The following TMEM158 variants were observed in gnomAD, a reference collection of about 807,000 sequenced individuals.
TMEM158 encodes the protein transmembrane protein 158, also known as 40 kDa BINP-binding protein.
In TMEM158, 7 loss-of-function variants were observed where a neutral mutation model predicts 12.0. The ratio of observed to expected loss-of-function variants is 0.59; its 90% CI spans 0.33 to 1.10. The LOEUF (loss-of-function observed/expected upper bound fraction) is 1.10. Ranked by LOEUF, TMEM158 falls within the 50% of genes least tolerant of loss-of-function variation. The probability of loss-of-function intolerance (pLI) is 0.03; values close to 1 mark genes in which losing one functional copy is unlikely to be tolerated. For missense variants in TMEM158, 405 were observed against 454.7 expected (o/e 0.89, Z 0.99); for synonymous variants, 209 against 231.1 (o/e 0.90, Z 0.87).
Position 45,225,662 on chromosome 3 carries a change from C to A in TMEM158, c.366G>T (p.Pro122=), listed in dbSNP as rs1700150895. The A allele has an allele frequency of 5.5e-6, 8 of 1,447,096 alleles. No homozygotes were observed. Among genetic ancestry groups the A allele is most frequent in the Non-Finnish European group, 7.3e-6 (8 of 1,097,014 alleles). The allele number at this position is 1,447,096 out of a possible 1,614,324, so 89.6% of individuals were successfully genotyped here. A position where few individuals can be genotyped will look rare whatever the true frequency, so the allele number is the denominator to read the frequency against. The change falls in exon 1 of 1, where the codon CCG becomes CCT. Residue 122 remains proline, a synonymous_variant. Transcript: ENST00000503771. This position sits in a 1 kb window ranked among gnomAD's most constrained non-coding sequence, Gnocchi z 5.7. Reference sequence around the variant, plus strand: ...GCCCCAGGTGCTCGATGAGCAGCGGCGGCCCGACGCGGTGGAAGGCGGCGG... The same window carrying A: ...GCCCCAGGTGCTCGATGAGCAGCGGAGGCCCGACGCGGTGGAAGGCGGCGG... The part of the protein sequence containing the change: ...FFAAAFHRVG[P]PLLIEHLGLA...
chr3:45,225,847 G>C lies in TMEM158; in HGVS notation c.181C>G (p.Arg61Gly). 8.0e-7 allele frequency: 1 copy of C among 1,243,360 alleles called. No individual in the cohort carries two copies. The highest frequency in any genetic ancestry group is 2.9e-5 in the South Asian group (1 of 34,246). The allele number at this position is 1,243,360 out of a possible 1,614,324, so 77.0% of individuals were successfully genotyped here. ...GCCGCCGCCTCCTCCGGGCCCGGGCGCTCGGGGGGCCCGGGGGCCGCCGAG... is the reference window on the plus strand; with the variant it reads ...GCCGCCGCCTCCTCCGGGCCCGGGCCCTCGGGGGGCCCGGGGGCCGCCGAG... ...LASAAPGPPE[R>G]PGPEEAAAAA... The change falls in exon 1 of 1, where the codon CGC becomes GGC. Residue 61 changes from arginine (R) to glycine (G), a missense_variant. Arg to Gly is a moderately radical substitution (Grantham distance 125). Transcript: ENST00000503771. The surrounding 1 kb of genome is among the most constrained non-coding windows in gnomAD (Gnocchi z 5.7).
chr3:45,225,176 G>A lies in TMEM158; in HGVS notation c.852C>T (p.Ala284=), dbSNP rs1700144218. The A allele has an allele frequency of 7.9e-7, 1 of 1,265,876 alleles. No homozygotes were observed. The highest frequency in any genetic ancestry group is 9.9e-7 in the Non-Finnish European group (1 of 1,010,066). The allele number at this position is 1,265,876 out of a possible 1,614,324, so 78.4% of individuals were successfully genotyped here. Residue 284 remains alanine (A), a synonymous_variant, in exon 1 of 1, where the codon GCC becomes GCT. Coordinates refer to ENST00000503771, the MANE Select transcript of TMEM158 (RefSeq NM_015444.3). The surrounding 1 kb of genome is among the most constrained non-coding windows in gnomAD (Gnocchi z 5.7). ...PAGTTAAAAA[A]AAAAAAAAVT... is the part of the protein sequence containing the mutation. ...CGGCCGCGGCGGCGGCGGCAGCGGCGGCGGCGGCGGCGGCTGCGGTGGTCC... is the reference window on the plus strand; with the variant it reads ...CGGCCGCGGCGGCGGCGGCAGCGGCAGCGGCGGCGGCGGCTGCGGTGGTCC...
At position 45,226,165 on chromosome 3, in the gene TMEM158, C is replaced by G; in HGVS notation, c.-138G>C. On this transcript the variant is annotated 5_prime_UTR_variant, in exon 1 of 1. Coordinates refer to ENST00000503771, the MANE Select transcript of TMEM158 (RefSeq NM_015444.3). ...GGGCGCGCCGGGCGCCTGCCAAGCC[C>G]GCAGGGGCGGCGCGGAGGCGGTGAC... 1.0e-6 allele frequency: 1 copy of G among 970,322 alleles called. No individual in the cohort carries two copies. The highest frequency in any genetic ancestry group is 1.2e-6 in the Non-Finnish European group (1 of 818,414). The allele number at this position is 970,322 out of a possible 1,614,324, so 60.1% of individuals were successfully genotyped here.
In TMEM158 at chr3:45,225,836, C is replaced by T. The variant is rs2125632794; in HGVS notation, c.192G>A (p.Pro64=). The change falls in exon 1 of 1, where the codon CCG becomes CCA. Residue 64 remains proline (P), a synonymous_variant. Transcript: ENST00000503771. This position sits in a 1 kb window ranked among gnomAD's most constrained non-coding sequence, Gnocchi z 5.7. The stretch of plus-strand genomic sequence containing the variant: ...GCGCCGCCGCCGCCGCCGCCTCCTC[C>T]GGGCCCGGGCGCTCGGGGGGCCCGG... ...AAPGPPERPG[P]EEAAAAAAPC... The T allele has an allele frequency of 1.6e-6, 2 of 1,251,318 alleles. No homozygotes were observed. The highest frequency in any genetic ancestry group is 2.0e-6 in the Non-Finnish European group (2 of 1,000,828). 77.5% of individuals were successfully genotyped at this position (1,251,318 alleles called of 1,614,324 possible). A position where few individuals can be genotyped will look rare whatever the true frequency, so the allele number is the denominator to read the frequency against.
chr3:45,224,963 G>A lies in TMEM158; in HGVS notation c.*162C>T. On this transcript the variant is annotated 3_prime_UTR_variant, in exon 1 of 1. Transcript: ENST00000503771. ...TCTGCTTTTCGGAACTGGAAGCGCA[G>A]CACAAACCTTGCTTTTCAAAGGCGC... 8.8e-7 allele frequency: 1 copy of A among 1,134,920 alleles called. No individual in the cohort carries two copies. The highest frequency in any genetic ancestry group is 1.1e-6 in the Non-Finnish European group (1 of 911,670). 70.3% of individuals were successfully genotyped at this position (1,134,920 alleles called of 1,614,324 possible).
In TMEM158 at chr3:45,225,848, C is replaced by G; in HGVS notation, c.180G>C (p.Glu60Asp). 1 of 1,242,076 alleles carries G rather than the reference C, an allele frequency of 8.1e-7. No individual in the cohort carries two copies. Among genetic ancestry groups the G allele is most frequent in the Non-Finnish European group, 1.0e-6 (1 of 996,066 alleles). The allele number at this position is 1,242,076 out of a possible 1,614,324, so 76.9% of individuals were successfully genotyped here. ...LLASAAPGPP[E>D]RPGPEEAAAA... The stretch of plus-strand genomic sequence containing the variant: ...CCGCCGCCTCCTCCGGGCCCGGGCG[C>G]TCGGGGGGCCCGGGGGCCGCCGAGG... The change falls in exon 1 of 1, where the codon GAG becomes GAC. Residue 60 changes from glutamate (E) to aspartate (D), a missense_variant. Transcript: ENST00000503771. This position sits in a 1 kb window ranked among gnomAD's most constrained non-coding sequence, Gnocchi z 5.7.
rs1255860752 is a variant in TMEM158, at chr3:45,225,030, G to C, written c.*95C>G. On this transcript the variant is annotated 3_prime_UTR_variant, in exon 1 of 1. Coordinates refer to ENST00000503771, the MANE Select transcript of TMEM158 (RefSeq NM_015444.3). The surrounding 1 kb of genome is among the most constrained non-coding windows in gnomAD (Gnocchi z 5.7). ...CCCCATCTCGGGAAGAGGAACTAACGATAACTACAGCACGAAGCACACCGG... is the reference window on the plus strand; with the variant it reads ...CCCCATCTCGGGAAGAGGAACTAACCATAACTACAGCACGAAGCACACCGG... 1 of 1,198,534 alleles carries C rather than the reference G, an allele frequency of 8.3e-7. No individual in the cohort carries two copies. Among genetic ancestry groups the C allele is most frequent in the African/African-American group, 1.6e-5 (1 of 62,916 alleles). The allele number at this position is 1,198,534 out of a possible 1,614,324, so 74.2% of individuals were successfully genotyped here. A position where few individuals can be genotyped will look rare whatever the true frequency, so the allele number is the denominator to read the frequency against.
Position 45,225,567 on chromosome 3 carries a change from G to C in TMEM158, c.461C>G (p.Thr154Ser), listed in dbSNP as rs1700149713. 5 of 1,101,312 alleles carry C rather than the reference G, an allele frequency of 4.5e-6. No homozygotes were observed. The highest frequency in any genetic ancestry group is 4.4e-6 in the Non-Finnish European group (4 of 907,050). 68.2% of individuals were successfully genotyped at this position (1,101,312 alleles called of 1,614,324 possible). The change falls in exon 1 of 1, where the codon ACC (threonine) becomes AGC (serine). Residue 154 changes from threonine (T) to serine (S), a missense_variant. Transcript: ENST00000503771. This position sits in a 1 kb window ranked among gnomAD's most constrained non-coding sequence, Gnocchi z 5.7. ...VGCGWVRGRR[T>S]GRLRPAAAPS... ...GGCGGCGGCGGGCCGGAGGCGGCCG[G>C]TGCGGCGACCGCGCACCCAGCCGCA...
At position 45,225,120 on chromosome 3, in the gene TMEM158, G is replaced by A. The variant is rs1700142945; in HGVS notation, c.*5C>T. ...CAGGACGGACACAGGGAGGAGCGGA[G>A]CGGGTCACTTGGTCGCCACCCCCGA... On this transcript the variant is annotated 3_prime_UTR_variant, in exon 1 of 1. Transcript: ENST00000503771. The surrounding 1 kb of genome is among the most constrained non-coding windows in gnomAD (Gnocchi z 5.7). 1.6e-6 allele frequency: 2 copies of A among 1,253,904 alleles called. No individual in the cohort carries two copies. Among genetic ancestry groups the A allele is most frequent in the Admixed American group, 4.3e-5 (1 of 23,510 alleles). The allele number at this position is 1,253,904 out of a possible 1,614,324, so 77.7% of individuals were successfully genotyped here.
chr3:45,225,340 T>C lies in TMEM158; in HGVS notation c.688A>G (p.Thr230Ala). ...ACGCTCCACACCACGATGACCAGGG[T>C]CATGAAGCAGGCCACCAGCGTGGAC... ...IESTLVACFM[T>A]LVIVVWSVAA... The change falls in exon 1 of 1, where the codon ACC becomes GCC. Residue 230 changes from threonine (T) to alanine (A), a missense_variant. Physicochemically the swap from Thr to Ala is moderately conservative, Grantham distance 58 (BLOSUM62 0). Coordinates refer to ENST00000503771, the MANE Select transcript of TMEM158 (RefSeq NM_015444.3). This position sits in a 1 kb window ranked among gnomAD's most constrained non-coding sequence, Gnocchi z 5.7. 6.6e-7 allele frequency: 1 copy of C among 1,525,202 alleles called. No homozygotes were observed. The allele number at this position is 1,525,202 out of a possible 1,614,324, so 94.5% of individuals were successfully genotyped here. A position where few individuals can be genotyped will look rare whatever the true frequency, so the allele number is the denominator to read the frequency against.
Position 45,224,688 on chromosome 3 carries a change from C to T in TMEM158, c.*437G>A, listed in dbSNP as rs1366921381. On this transcript the variant is annotated 3_prime_UTR_variant, in exon 1 of 1. Transcript: ENST00000503771. ...TACAACTATGTTCAGATACAAAGAG[C>T]TTCTCTTACTACAGCAATAGCAATT... 1 of 156,050 alleles carries T rather than the reference C, an allele frequency of 6.4e-6. No homozygotes were observed. Among genetic ancestry groups the T allele is most frequent in the Non-Finnish European group, 1.4e-5 (1 of 70,504 alleles). 9.7% of individuals were successfully genotyped at this position (156,050 alleles called of 1,614,324 possible). A position where few individuals can be genotyped will look rare whatever the true frequency, so the allele number is the denominator to read the frequency against.
In TMEM158 at chr3:45,225,802, T is replaced by A; in HGVS notation, c.226A>T (p.Ile76Phe). Residue 76 changes from isoleucine to phenylalanine, a missense_variant, in exon 1 of 1, where the codon ATC becomes TTC. Ile to Phe is a conservative substitution (Grantham distance 21). Coordinates refer to ENST00000503771, the MANE Select transcript of TMEM158 (RefSeq NM_015444.3). The surrounding 1 kb of genome is among the most constrained non-coding windows in gnomAD (Gnocchi z 5.7). ...CTCAGCATCTGCCGCTGCACGCTGA[T>A]GTTGCACGGCGCCGCCGCCGCCGCC... ...EAAAAAAPCNISVQRQMLSSL... is the reference protein window; with the variant it reads ...EAAAAAAPCNFSVQRQMLSSL... 1 of 1,381,250 alleles carries A rather than the reference T, an allele frequency of 7.2e-7. No individual in the cohort carries two copies. The highest frequency in any genetic ancestry group is 1.5e-5 in the South Asian group (1 of 66,708). The allele number at this position is 1,381,250 out of a possible 1,614,324, so 85.6% of individuals were successfully genotyped here. A position where few individuals can be genotyped will look rare whatever the true frequency, so the allele number is the denominator to read the frequency against.
Position 45,225,987 on chromosome 3 carries a change from G to C in TMEM158, c.41C>G (p.Pro14Arg). 9.2e-7 allele frequency: 1 copy of C among 1,081,288 alleles called. No homozygotes were observed. The highest frequency in any genetic ancestry group is 6.0e-5 in the East Asian group (1 of 16,798). The allele number at this position is 1,081,288 out of a possible 1,614,324, so 67.0% of individuals were successfully genotyped here. Residue 14 changes from proline (P) to arginine (R), a missense_variant, in exon 1 of 1, where the codon CCG becomes CGG. Coordinates refer to ENST00000503771, the MANE Select transcript of TMEM158 (RefSeq NM_015444.3). This position sits in a 1 kb window ranked among gnomAD's most constrained non-coding sequence, Gnocchi z 5.7. ...GGCCCCGCCGCGGACGGGCGGCAGC[G>C]GGCAGGCGGCGGCCAGGAGCGCGGC... ...LLAALLAAAC[P>R]LPPVRGGAAD...
In TMEM158 at chr3:45,225,750, G is replaced by T; in HGVS notation, c.278C>A (p.Pro93Gln). ...CAGTAGGTCGCACTGGAAGCCCCGCGGGCGGCCCCAGCGCACGAGCAGCGA... is the reference window on the plus strand; with the variant it reads ...CAGTAGGTCGCACTGGAAGCCCCGCTGGCGGCCCCAGCGCACGAGCAGCGA... ...LSSLLVRWGR[P>Q]RGFQCDLLLF... Residue 93 changes from proline (P) to glutamine (Q), a missense_variant, in exon 1 of 1, where the codon CCG becomes CAG. Pro to Gln is a moderately conservative substitution (Grantham distance 76). Coordinates refer to ENST00000503771, the MANE Select transcript of TMEM158 (RefSeq NM_015444.3). This position sits in a 1 kb window ranked among gnomAD's most constrained non-coding sequence, Gnocchi z 5.7. 6.9e-7 allele frequency: 1 copy of T among 1,442,558 alleles called. No homozygotes were observed. Among genetic ancestry groups the T allele is most frequent in the Non-Finnish European group, 9.1e-7 (1 of 1,093,290 alleles). 89.4% of individuals were successfully genotyped at this position (1,442,558 alleles called of 1,614,324 possible).
In TMEM158 at chr3:45,225,281, G is replaced by A; in HGVS notation, c.747C>T (p.Ala249=). Residue 249 remains alanine, a synonymous_variant, in exon 1 of 1, where the codon GCC becomes GCT. Coordinates refer to ENST00000503771, the MANE Select transcript of TMEM158 (RefSeq NM_015444.3). The surrounding 1 kb of genome is among the most constrained non-coding windows in gnomAD (Gnocchi z 5.7). Reference sequence around the variant, plus strand: ...GTTCCATGCCGTTGGGCAGGAAGCCGGCGATGATGGGCACCGGCCAGATGA... The same window carrying A: ...GTTCCATGCCGTTGGGCAGGAAGCCAGCGATGATGGGCACCGGCCAGATGA... ...AALIWPVPII[A]GFLPNGMEQR... The A allele has an allele frequency of 1.4e-6, 2 of 1,443,324 alleles. No individual in the cohort carries two copies. Among genetic ancestry groups the A allele is most frequent in the Non-Finnish European group, 1.8e-6 (2 of 1,086,302 alleles). 89.4% of individuals were successfully genotyped at this position (1,443,324 alleles called of 1,614,324 possible). A position where few individuals can be genotyped will look rare whatever the true frequency, so the allele number is the denominator to read the frequency against.
Position 45,225,648 on chromosome 3 carries a change from TC to T in TMEM158, c.379del (p.Glu127SerfsTer74). On this transcript the variant is annotated frameshift_variant, in exon 1 of 1. Transcript: ENST00000503771. LOFTEE classifies it high-confidence loss of function. This position sits in a 1 kb window ranked among gnomAD's most constrained non-coding sequence, Gnocchi z 5.7. ...GCCGCCCGCCGCCAGCCCCAGGTGC[TC>T]GATGAGCAGCGGCGGCCCGACGCGG... ...FHRVGPPLLI[E>X]HLGLAAGGAQ... is the part of the protein sequence containing the mutation. 7.0e-7 allele frequency: 1 copy of T among 1,434,242 alleles called. No individual in the cohort carries two copies. The highest frequency in any genetic ancestry group is 9.2e-7 in the Non-Finnish European group (1 of 1,090,236). 88.8% of individuals were successfully genotyped at this position (1,434,242 alleles called of 1,614,324 possible).
Position 45,225,913 on chromosome 3 carries a change from C to G in TMEM158, c.115G>C (p.Ala39Pro). 1 of 1,182,234 alleles carries G rather than the reference C, an allele frequency of 8.5e-7. No individual in the cohort carries two copies. Among genetic ancestry groups the G allele is most frequent in the South Asian group, 3.9e-5 (1 of 25,916 alleles). The allele number at this position is 1,182,234 out of a possible 1,614,324, so 73.2% of individuals were successfully genotyped here. A position where few individuals can be genotyped will look rare whatever the true frequency, so the allele number is the denominator to read the frequency against. ...GCGATGGGCTCGTCCGCGGAGGACGCGTTGACTGAAGCATTGGAGGGCACC... is the reference window on the plus strand; with the variant it reads ...GCGATGGGCTCGTCCGCGGAGGACGGGTTGACTGAAGCATTGGAGGGCACC... ...LGVPSNASVN[A>P]SSADEPIAPR... Residue 39 changes from alanine to proline, a missense_variant, in exon 1 of 1, where the codon GCG becomes CCG. Ala to Pro is a conservative substitution (Grantham distance 27). Transcript: ENST00000503771. The surrounding 1 kb of genome is among the most constrained non-coding windows in gnomAD (Gnocchi z 5.7).
At position 45,224,906 on chromosome 3, in the gene TMEM158, G is replaced by T; in HGVS notation, c.*219C>A. On this transcript the variant is annotated 3_prime_UTR_variant, in exon 1 of 1. Transcript: ENST00000503771. Reference sequence around the variant, plus strand: ...TTCCCTCCTCTCCGTCTTCGGAGCTGCGATCCCACCCTCAGTCCAAGGGCT... The same window carrying T: ...TTCCCTCCTCTCCGTCTTCGGAGCTTCGATCCCACCCTCAGTCCAAGGGCT... 1.3e-6 allele frequency: 1 copy of T among 763,090 alleles called. No homozygotes were observed. The highest frequency in any genetic ancestry group is 1.7e-6 in the Non-Finnish European group (1 of 573,840). The allele number at this position is 763,090 out of a possible 1,614,324, so 47.3% of individuals were successfully genotyped here.
In TMEM158 at chr3:45,225,404, C is replaced by G; in HGVS notation, c.624G>C (p.Gln208His). ...GGTTCAGCCGCCAGCCCGGCTCGCC[C>G]TGCAGCTCCTCCAGGCTGAAGTCTA... is the stretch of plus-strand genomic sequence containing the variant. The part of the protein sequence containing the change: ...CCLDFSLEEL[Q>H]GEPGWRLNRK... Residue 208 changes from glutamine (Q) to histidine (H), a missense_variant, in exon 1 of 1, where the codon CAG becomes CAC. By Grantham distance (24) the Gln-to-His change is conservative (BLOSUM62 0). Transcript: ENST00000503771. This position sits in a 1 kb window ranked among gnomAD's most constrained non-coding sequence, Gnocchi z 5.7. 6.8e-7 allele frequency: 1 copy of G among 1,475,588 alleles called. No individual in the cohort carries two copies. The highest frequency in any genetic ancestry group is 9.1e-7 in the Non-Finnish European group (1 of 1,104,818). 91.4% of individuals were successfully genotyped at this position (1,475,588 alleles called of 1,614,324 possible). A position where few individuals can be genotyped will look rare whatever the true frequency, so the allele number is the denominator to read the frequency against.
Sources: gnomAD v4.1 joint callset for allele counts on GRCh38, gnomAD v4.1.1 for gene constraint, Gnocchi (gnomAD v3.1) non-coding constraint, MANE v1.5 for transcripts, NCBI Gene and HGNC (gene_info 2026-07-23, HGNC 2026-07-21) for gene names.